Variants in FBXO32 observed in about 807,000 individuals in gnomAD.
FBXO32 encodes the protein F-box protein 32, also known as F-box only protein 32.
A neutral mutation model predicts 48.3 loss-of-function variants in FBXO32; 15 were observed. The ratio of observed to expected loss-of-function variants is 0.31; its 90% CI spans 0.21 to 0.48. The LOEUF is 0.48. Among genes scored for constraint, FBXO32 ranks in the 20% least tolerant of loss-of-function variants. The pLI, the probability that FBXO32 is intolerant of heterozygous loss-of-function variation, is 0.99. For synonymous variants in FBXO32, 154 were observed against 165.9 expected (o/e 0.93, Z 0.55); for missense variants, 309 against 432.7 (o/e 0.71, Z 2.54).
intron 4 of FBXO32, chr8:123,526,949 C>T (rs1186563638): frequency 6.6e-6 from 1 of 152,142 alleles, no homozygotes; most frequent in African/African-American, 2.4e-5. Context: ...CCCAACTCTG[C>T]CATTTTGCAC....
At chr8:123,521,100 T>C (rs2130532920) in intron 4 of FBXO32, among the ~76,000 whole-genome samples, 2 of 152,358 alleles carry the variant, frequency 1.3e-5, no homozygotes, top group South Asian at 4.1e-4. Context: ...TATGGTTTCA[T>C]TGTTCTTCAT....
At chr8:123,530,498 C>T (rs1232368089) in intron 4 of FBXO32, among the ~76,000 whole-genome samples, 2 of 152,186 alleles carry the variant, frequency 1.3e-5, no homozygotes, top group Non-Finnish European at 1.5e-5. Context: ...CAAAAATACA[C>T]AAGGGAGCTT....
In FBXO32 at chr8:123,511,057, T is replaced by G. The variant is rs532038048; in HGVS notation, c.651+2141A>C. On this transcript the variant is annotated intron_variant, in intron 6 of 8. Transcript: ENST00000517956. The stretch of plus-strand genomic sequence containing the variant: ...ATAGTGAGTGAACTTCAGTGTTTGA[T>G]CTCTTCTTCATGGGATCTCATTGGA... Among the ~76,000 whole-genome samples, 173 of 152,366 alleles carry G rather than the reference T, an allele frequency of 1.1e-3. 4 individuals carry two copies. The South Asian group carries it at 0.034, about 30-fold the overall frequency.
intron 8 of FBXO32, 102 bp downstream of exon 8, chr8:123,504,502 G>T: frequency 1.1e-6 from 1 of 880,616 alleles, no homozygotes; most frequent in Non-Finnish European, 1.5e-6. Context: ...GGGCTGTGAT[G>T]GGGAAGAGGC....
intron 1 of FBXO32, among the ~76,000 whole-genome samples, chr8:123,538,842 G>T (rs1001463926): frequency 2.6e-5 from 4 of 152,106 alleles, no homozygotes; most frequent in African/African-American, 9.7e-5. Flanking sequence ...GAGGGGGGCT[G>T]TGCAGGAAAC....
At chr8:123,517,642 G>GACATGAT (rs146077894) in intron 4 of FBXO32, among the ~76,000 whole-genome samples, 9,718 of 151,904 alleles carry the variant, frequency 0.064, 434 homozygotes, top group African/African-American at 0.13. Flanking sequence ...AGGTGACAGG[G>GACATGAT]ACATGATGAT....
At position 123,517,995 on chromosome 8, in the gene FBXO32, C is replaced by A. The variant is rs554366505; in HGVS notation, c.373-3662G>T. Among the ~76,000 whole-genome samples the A allele has an allele frequency of 1.8e-4, 27 of 152,300 alleles. No individual in the cohort carries two copies. In the East Asian group the frequency reaches 3.7e-3, roughly 21 times the overall value. ...CCACGTGGTCTCTGTAGCAACTACT[C>A]CACCCTGAAGCTATAGCACCGAAAT... On this transcript the variant is annotated intron_variant, in intron 4 of 8. Transcript: ENST00000517956.
At chr8:123,536,515 G>A (rs538133900) in intron 1 of FBXO32, among the ~76,000 whole-genome samples, 30 of 152,268 alleles carry the variant, frequency 2.0e-4, no homozygotes, top group African/African-American at 6.5e-4. Context: ...TTCAATCAAC[G>A]TTGAGAAAAA....
chr8:123,521,294 G>T (rs1468601391), intron 4 of FBXO32, among the ~76,000 whole-genome samples: 2 of 152,216 alleles, frequency 1.3e-5, no homozygotes, highest in Non-Finnish European at 2.9e-5. Flanking sequence ...ATCAAAGAGT[G>T]TTGTAGCTGG....
chr8:123,512,231 A>G (rs1386947515), intron 6 of FBXO32, among the ~76,000 whole-genome samples: 3 of 152,208 alleles, frequency 2.0e-5, no homozygotes, highest in African/African-American at 7.2e-5. Context: ...GAGCCTTCGA[A>G]TGATTCTGTT....
intron 4 of FBXO32, among the ~76,000 whole-genome samples, chr8:123,516,225 T>A (rs1342850865): frequency 6.6e-6 from 1 of 152,098 alleles, no homozygotes. Flanking sequence ...AAGAGGTTGA[T>A]ATAAAGTGAA....
chr8:123,519,020 C>T (rs902058922), intron 4 of FBXO32, among the ~76,000 whole-genome samples: 8 of 152,106 alleles, frequency 5.3e-5, no homozygotes, highest in Non-Finnish European at 1.0e-4. Context: ...GAGACAGGGT[C>T]TTCCTAGTTA....
In FBXO32 at chr8:123,502,572, A is replaced by G. The variant is rs1026497271; in HGVS notation, c.*801T>C. 3.9e-5 allele frequency: 6 copies of G among 152,178 alleles called. No homozygotes were observed. The highest frequency in any genetic ancestry group is 1.2e-4 in the African/African-American group (5 of 41,430). The allele number at this position is 152,178 out of a possible 1,614,324, so 9.4% of individuals were successfully genotyped here. ...TTTAAGTTGGCCTTCTTTTCCCCCA[A>G]ATGAGCTACAACATGACAGGAAAAA... On this transcript the variant is annotated 3_prime_UTR_variant, in exon 9 of 9. Transcript: ENST00000517956.
rs111436456 is a variant in FBXO32, at chr8:123,525,974, C to T, written c.372+5924G>A. On this transcript the variant is annotated intron_variant, in intron 4 of 8. Transcript: ENST00000517956. This position sits in a 1 kb window ranked among gnomAD's most constrained non-coding sequence, Gnocchi z 4.3. ...TCCTGCGTACTAGATAATATAGCCT[C>T]ACACTCAAAGCCTCTTCTCAAGTCT... is the stretch of plus-strand genomic sequence containing the variant. Among the ~76,000 whole-genome samples the T allele has an allele frequency of 7.7e-3, 1,173 of 152,062 alleles. 10 individuals carry two copies. The highest frequency in any genetic ancestry group is 0.025 in the African/African-American group (1,050 of 41,452).
At chr8:123,538,708 C>T (rs985641957) in intron 1 of FBXO32, among the ~76,000 whole-genome samples, 7 of 152,166 alleles carry the variant, frequency 4.6e-5, no homozygotes, top group African/African-American at 7.2e-5. Context: ...GATTCCTAAA[C>T]GCTGACTCAA....
At chr8:123,504,146 G>A (rs1270088852) in intron 8 of FBXO32, among the ~76,000 whole-genome samples, 1 of 151,990 alleles carries the variant, frequency 6.6e-6, no homozygotes, top group Non-Finnish European at 1.5e-5. Context: ...GAACTGGAAT[G>A]GTTCTAGCAT....
Position 123,513,467 on chromosome 8 carries a change from C to A in FBXO32, c.467-85G>T. On this transcript the variant is annotated intron_variant, in intron 5 of 8. Coordinates refer to ENST00000517956, the MANE Select transcript of FBXO32 (RefSeq NM_058229.4). The surrounding 1 kb of genome is among the most constrained non-coding windows in gnomAD (Gnocchi z 4.3). ...ACATGAGCTTGTCTCTGTCTGTATT[C>A]CACTCATGTTACCCAGGCACTGCCT... The A allele has an allele frequency of 8.5e-7, 1 of 1,173,358 alleles. No homozygotes were observed. The allele number at this position is 1,173,358 out of a possible 1,614,324, so 72.7% of individuals were successfully genotyped here.
chr8:123,506,103 C>G lies in FBXO32; in HGVS notation c.834+289G>C, dbSNP rs11986300. ...AATTATCCGGGTGTTGTGGCATGAG[C>G]CTGTAGTCCCAGCTACTCGGGAGGC... On this transcript the variant is annotated intron_variant, in intron 7 of 8. Coordinates refer to ENST00000517956, the MANE Select transcript of FBXO32 (RefSeq NM_058229.4). This position sits in a 1 kb window ranked among gnomAD's most constrained non-coding sequence, Gnocchi z 4.0. Among the ~76,000 whole-genome samples the G allele has an allele frequency of 0.051, 7,693 of 152,162 alleles. 236 individuals carry two copies. The highest frequency in any genetic ancestry group is 0.088 in the African/African-American group (3,666 of 41,488).
intron 6 of FBXO32, among the ~76,000 whole-genome samples, chr8:123,512,045 T>C (rs1408813236): frequency 6.6e-6 from 1 of 152,180 alleles, no homozygotes; most frequent in East Asian, 1.9e-4. Context: ...GGGTAAATTA[T>C]TAGAATAAAT....
Sources: allele counts gnomAD v4.1 joint callset (sites outside exome capture counted in the v4.1 genomes callset), GRCh38; gene constraint gnomAD v4.1.1; non-coding constraint Gnocchi (gnomAD v3.1); transcripts MANE v1.5; gene names NCBI Gene and HGNC (gene_info 2026-07-23, HGNC 2026-07-21).